TENM2: variants seen among roughly 807,000 people sequenced by gnomAD.
TENM2 encodes teneurin-2.
In TENM2, 52 loss-of-function variants were observed where a neutral mutation model predicts 245.2. That is an observed-to-expected ratio of 0.21 (90% CI 0.17 to 0.27). The LOEUF is 0.27. TENM2 is among the 10% of genes least tolerant of loss of function. The pLI is 1.00. For synonymous variants in TENM2, 1,363 were observed against 1,438.9 expected, an observed-to-expected ratio of 0.95 and a Z score of 1.19; for missense variants, 3,046 against 3,666.8, an observed-to-expected ratio of 0.83 and a Z score of 4.37.
At chr5:167,402,168 A>C (rs1293545077) in intron 2 of TENM2, among the ~76,000 whole-genome samples, 2 of 152,128 alleles carry the variant, frequency 1.3e-5, no homozygotes, top group Admixed American at 1.3e-4. Context: ...TGATTTTTTA[A>C]TCTTTCTGAG....
intron 2 of TENM2, among the ~76,000 whole-genome samples, chr5:167,861,432 A>C (rs1470670379): frequency 1.3e-5 from 2 of 152,192 alleles, no homozygotes; most frequent in African/African-American, 4.8e-5. Flanking sequence ...GTCTACAAAG[A>C]AGCTTTGCAG....
chr5:167,861,255 G>T (rs563403412), intron 2 of TENM2, among the ~76,000 whole-genome samples: 7 of 152,158 alleles, frequency 4.6e-5, no homozygotes, highest in African/African-American at 1.2e-4. Flanking sequence ...GGCCTCTCAG[G>T]GTTGTAGGGG....
chr5:167,834,841 T>G (rs926736470), intron 2 of TENM2, among the ~76,000 whole-genome samples: 17 of 152,014 alleles, frequency 1.1e-4, no homozygotes, highest in East Asian at 3.9e-4. Context: ...TAGTAGAGAC[T>G]GGGTTTCACC....
At chr5:167,717,889 C>A (rs780757294) in intron 2 of TENM2, among the ~76,000 whole-genome samples, 12 of 152,216 alleles carry the variant, frequency 7.9e-5, no homozygotes, top group Non-Finnish European at 5.9e-5. Context: ...TCTAAAATAC[C>A]ACAGTGTACT....
At chr5:167,958,883 C>G (rs1780769740) in intron 4 of TENM2, among the ~76,000 whole-genome samples, 1 of 152,146 alleles carries the variant, frequency 6.6e-6, no homozygotes, top group Non-Finnish European at 1.5e-5. Flanking sequence ...TTGTGGGTAA[C>G]TTGACCTTTC....
intron 2 of TENM2, among the ~76,000 whole-genome samples, chr5:167,694,425 G>C (rs763725025): frequency 2.6e-5 from 4 of 152,134 alleles, no homozygotes; most frequent in Non-Finnish European, 4.4e-5. Flanking sequence ...TAAAATAGCA[G>C]AGCATCCCTT....
the TENM2 span, among the ~76,000 whole-genome samples, chr5:166,982,239 A>G: frequency 1.3e-5 from 2 of 152,086 alleles, no homozygotes; most frequent in Non-Finnish European, 2.9e-5. Context: ...TGTCAATCAC[A>G]TTTGGCTGTA....
At chr5:167,226,721 C>A in the TENM2 span, among the ~76,000 whole-genome samples, 1 of 151,958 alleles carries the variant, frequency 6.6e-6, no homozygotes, top group Non-Finnish European at 1.5e-5. Context: ...TACTTTAAAT[C>A]CAATGTTTCT....
chr5:167,944,567 G>A (rs542292799), intron 3 of TENM2, among the ~76,000 whole-genome samples: 2 of 152,302 alleles, frequency 1.3e-5, no homozygotes, highest in South Asian at 4.1e-4. Context: ...ACAGACAGAT[G>A]TCGTGGTTAT....
At chr5:167,211,843 T>C in the TENM2 span, among the ~76,000 whole-genome samples, 5,709 of 152,226 alleles carry the variant, frequency 0.038, 358 homozygotes, top group African/African-American at 0.13. Flanking sequence ...ATATAATGTA[T>C]TGACAGATTG....
At chr5:167,922,299 G>A (rs536093241) in intron 3 of TENM2, among the ~76,000 whole-genome samples, 85 of 152,086 alleles carry the variant, frequency 5.6e-4, no homozygotes, top group Middle Eastern at 3.4e-3. Context: ...ACCTGCTGTC[G>A]TAGTTCAGAC....
At chr5:167,255,814 TGG>T in the TENM2 span, among the ~76,000 whole-genome samples, 5 of 152,134 alleles carry the variant, frequency 3.3e-5, no homozygotes, top group Non-Finnish European at 7.4e-5. Flanking sequence ...GTTTGAAAGT[TGG>T]GGTTTGGTAG....
intron 12 of TENM2, among the ~76,000 whole-genome samples, chr5:168,139,923 G>A (rs1480002031): frequency 1.3e-5 from 2 of 152,140 alleles, no homozygotes; most frequent in African/African-American, 4.8e-5. Context: ...TTCAAATGCT[G>A]GCAAGCAACT....
intron 6 of TENM2, among the ~76,000 whole-genome samples, chr5:168,053,376 C>T (rs1418017511): frequency 6.6e-6 from 1 of 152,112 alleles, no homozygotes; most frequent in East Asian, 1.9e-4. Flanking sequence ...TCCAATTTCC[C>T]TTTCTGTGCA....
chr5:167,053,530 C>T, the TENM2 span, among the ~76,000 whole-genome samples: 3 of 152,032 alleles, frequency 2.0e-5, no homozygotes, highest in Non-Finnish European at 2.9e-5. Flanking sequence ...AATTATCAGC[C>T]GTAAAGAGTC....
chr5:168,122,455 T>G (rs1406440168), intron 10 of TENM2, among the ~76,000 whole-genome samples: 2 of 152,126 alleles, frequency 1.3e-5, no homozygotes, highest in Admixed American at 1.3e-4. Context: ...GGATTACAAG[T>G]GTGAGTCACC....
At chr5:167,580,988 C>CA (rs1319941468) in intron 2 of TENM2, among the ~76,000 whole-genome samples, 2 of 151,964 alleles carry the variant, frequency 1.3e-5, no homozygotes, top group Non-Finnish European at 2.9e-5. Context: ...AACCTTGTCT[C>CA]AAAAAATCAA....
exon 17 of TENM2, chr5:168,199,947 G>A: frequency 6.2e-7 from 1 of 1,613,978 alleles, no homozygotes; most frequent in South Asian, 1.1e-5. Context: ...ACAAGTCACT[G>A]CTGAAGATCA....
At chr5:167,543,347 A>G (rs534371109) in intron 2 of TENM2, among the ~76,000 whole-genome samples, 1 of 152,296 alleles carries the variant, frequency 6.6e-6, no homozygotes, top group Non-Finnish European at 1.5e-5. Context: ...TCACAAGGAC[A>G]GTTTTAATTC....
Sources: gnomAD v4.1 joint callset for allele counts (sites outside exome capture counted in the v4.1 genomes callset) on GRCh38, gnomAD v4.1.1 for gene constraint, MANE v1.5 for transcripts, NCBI Gene and HGNC (gene_info 2026-07-23, HGNC 2026-07-21) for gene names.